The following GALNT13 variants were observed in gnomAD, a reference collection of about 807,000 sequenced individuals.
GALNT13 encodes polypeptide N-acetylgalactosaminyltransferase 13, also known as UDP-GalNAc:polypeptide N-acetylgalactosaminyltransferase 13.
A neutral mutation model predicts 64.2 loss-of-function variants in GALNT13; 28 were observed. The ratio of observed to expected loss-of-function variants is 0.44; its 90% CI spans 0.32 to 0.60. The LOEUF (loss-of-function observed/expected upper bound fraction) is 0.60, where lower values mean the gene tolerates loss of function less well. Ranked by LOEUF, GALNT13 falls within the 20% of genes least tolerant of loss-of-function variation. The pLI, the probability that GALNT13 is intolerant of heterozygous loss-of-function variation, is 0.05. For synonymous variants in GALNT13, 214 were observed against 224.6 expected, an observed-to-expected ratio of 0.95 and a Z score of 0.42; for missense variants, 577 against 669.8, an observed-to-expected ratio of 0.86 and a Z score of 1.53.
the GALNT13 span, among the ~76,000 whole-genome samples, chr2:153,296,163 T>TAATC: frequency 6.6e-6 from 1 of 152,088 alleles, no homozygotes; most frequent in South Asian, 2.1e-4. Flanking sequence ...ATAATCCTGA[T>TAATC]CAGCATTAAG....
the GALNT13 span, among the ~76,000 whole-genome samples, chr2:153,444,869 T>C: frequency 6.6e-6 from 1 of 152,194 alleles, no homozygotes; most frequent in African/African-American, 2.4e-5. Flanking sequence ...CAGCTTGTGG[T>C]GTTTCACATA....
At chr2:153,290,946 A>T in the GALNT13 span, among the ~76,000 whole-genome samples, 1 of 152,218 alleles carries the variant, frequency 6.6e-6, no homozygotes, top group African/African-American at 2.4e-5. Context: ...TATAGTGTTC[A>T]CTACGAAATT....
rs188043093 is a variant in GALNT13, at chr2:154,397,685, C to T, written c.1296+1555C>T. Among the ~76,000 whole-genome samples the T allele has an allele frequency of 4.9e-3, 743 of 152,228 alleles. 6 individuals are homozygous for T. The highest frequency in any genetic ancestry group is 6.7e-3 in the Non-Finnish European group (453 of 68,018). On this transcript the variant is annotated intron_variant, in intron 10 of 12. Coordinates refer to ENST00000392825, the MANE Select transcript of GALNT13 (RefSeq NM_052917.4). The stretch of plus-strand genomic sequence containing the variant: ...GAGGTGACTGGAACCCTAGCTGAAT[C>T]GTTTTTAATGACTGATTTAAGTGCC...
intron 3 of GALNT13, among the ~76,000 whole-genome samples, chr2:153,996,619 T>C (rs910350497): frequency 6.6e-5 from 10 of 152,158 alleles, no homozygotes; most frequent in Non-Finnish European, 1.3e-4. Flanking sequence ...TCTCTCATTA[T>C]GTAGGCTGTA....
At chr2:154,216,965 T>A (rs189833315) in intron 4 of GALNT13, among the ~76,000 whole-genome samples, 4 of 151,616 alleles carry the variant, frequency 2.6e-5, no homozygotes, top group Admixed American at 1.3e-4. Flanking sequence ...TTTTTTTTTT[T>A]TTATTTTTTT....
At chr2:153,073,452 T>A in the GALNT13 span, among the ~76,000 whole-genome samples, 2 of 150,334 alleles carry the variant, frequency 1.3e-5, no homozygotes, top group East Asian at 2.0e-4. Context: ...CAGTGTAGAT[T>A]TTTTTTTCTT....
At chr2:153,708,437 T>G in the GALNT13 span, among the ~76,000 whole-genome samples, 5 of 152,198 alleles carry the variant, frequency 3.3e-5, no homozygotes, top group Admixed American at 2.6e-4. Flanking sequence ...ATTATGCATT[T>G]GATTGGCTGT....
At chr2:154,339,129 C>T (rs185709554) in intron 9 of GALNT13, among the ~76,000 whole-genome samples, 10 of 152,148 alleles carry the variant, frequency 6.6e-5, no homozygotes, top group Admixed American at 2.0e-4. Flanking sequence ...AAATCAGATC[C>T]GCATCCTGCT....
chr2:153,547,724 T>C, the GALNT13 span, among the ~76,000 whole-genome samples: 1 of 152,176 alleles, frequency 6.6e-6, no homozygotes, highest in Admixed American at 6.5e-5. Flanking sequence ...TTCTTTTTCA[T>C]GAATTAGATT....
chr2:153,341,949 C>T, the GALNT13 span, among the ~76,000 whole-genome samples: 14 of 152,110 alleles, frequency 9.2e-5, no homozygotes, highest in Non-Finnish European at 1.0e-4. Flanking sequence ...ACACCCTCAC[C>T]ATCTGTGATA....
the GALNT13 span, among the ~76,000 whole-genome samples, chr2:153,402,623 A>G: frequency 4.0e-5 from 6 of 151,792 alleles, no homozygotes; most frequent in African/African-American, 1.2e-4. Flanking sequence ...GGCTTTTCTC[A>G]TTTCTTTTTA....
At chr2:153,225,748 T>G in the GALNT13 span, among the ~76,000 whole-genome samples, 3 of 152,166 alleles carry the variant, frequency 2.0e-5, no homozygotes, top group Non-Finnish European at 2.9e-5. Context: ...AATAAAATTC[T>G]TGGGTATAAA....
At chr2:153,823,573 A>G in the GALNT13 span, among the ~76,000 whole-genome samples, 1 of 151,590 alleles carries the variant, frequency 6.6e-6, no homozygotes, top group Non-Finnish European at 1.5e-5. Flanking sequence ...CATATGCAGA[A>G]CAATCAAATT....
intron 12 of GALNT13, among the ~76,000 whole-genome samples, chr2:154,447,805 G>A (rs1442924678): frequency 6.6e-6 from 1 of 152,014 alleles, no homozygotes; most frequent in Non-Finnish European, 1.5e-5. Context: ...TTTGCACAAA[G>A]AGAACTTATG....
chr2:153,674,866 C>G, the GALNT13 span, among the ~76,000 whole-genome samples: 1 of 151,698 alleles, frequency 6.6e-6, no homozygotes, highest in Non-Finnish European at 1.5e-5. Context: ...AAAAAACAAC[C>G]CCATGAAAAA....
chr2:153,337,096 T>G, the GALNT13 span, among the ~76,000 whole-genome samples: 3 of 152,164 alleles, frequency 2.0e-5, no homozygotes. Context: ...TTTCCAGTCT[T>G]GGGTATGTCT....
In GALNT13 at chr2:154,015,984, C is replaced by T. The variant is rs530885269; in HGVS notation, c.142+71345C>T. Among the ~76,000 whole-genome samples, 9 of 152,238 alleles carry T rather than the reference C, an allele frequency of 5.9e-5. No homozygotes were observed. In the South Asian group the frequency reaches 1.9e-3, roughly 32 times the overall value. On this transcript the variant is annotated intron_variant, in intron 3 of 12. Coordinates refer to ENST00000392825, the MANE Select transcript of GALNT13 (RefSeq NM_052917.4). Reference sequence around the variant, plus strand: ...ACAAAATGAAATTAATCAGTATCTACTTGTGTTGAGCAGTTACCAGCACAG... The same window carrying T: ...ACAAAATGAAATTAATCAGTATCTATTTGTGTTGAGCAGTTACCAGCACAG...
chr2:153,122,378 CT>C, the GALNT13 span, among the ~76,000 whole-genome samples: 1 of 152,082 alleles, frequency 6.6e-6, no homozygotes, highest in Non-Finnish European at 1.5e-5. Flanking sequence ...TGGCTAGATA[CT>C]TTTACAAATG....
chr2:153,261,297 G>C, the GALNT13 span, among the ~76,000 whole-genome samples: 1 of 152,086 alleles, frequency 6.6e-6, no homozygotes, highest in Non-Finnish European at 1.5e-5. Context: ...TAAAGAATTA[G>C]GTATTTATTG....
Sources: allele counts gnomAD v4.1 joint callset (sites outside exome capture counted in the v4.1 genomes callset), GRCh38; gene constraint gnomAD v4.1.1; transcripts MANE v1.5; gene names NCBI Gene and HGNC (gene_info 2026-07-23, HGNC 2026-07-21).